PPFIA1: variants seen among roughly 807,000 people sequenced by gnomAD.
PPFIA1 encodes PPFI scaffold protein A1.
In PPFIA1, 25 loss-of-function variants were observed where a neutral mutation model predicts 149.9. The observed-to-expected ratio is 0.17, with a 90% CI of 0.12 to 0.23. The LOEUF is 0.23. Among genes scored for constraint, PPFIA1 ranks in the 10% least tolerant of loss-of-function variants. PPFIA1 has a pLI of 1.00. For missense variants in PPFIA1, 1,362 were observed against 1,506.5 expected (o/e 0.90, Z 1.59); for synonymous variants, 549 against 552.8 (o/e 0.99, Z 0.10).
intron 2 of PPFIA1, among the ~76,000 whole-genome samples, chr11:70,292,583 A>C (rs1453447639): frequency 6.6e-6 from 1 of 152,182 alleles, no homozygotes; most frequent in African/African-American, 2.4e-5. Flanking sequence ...TGTGTAAGGT[A>C]CCGTCCAGGG....
intron 2 of PPFIA1, chr11:70,284,171 A>C (rs1366493545): frequency 7.3e-6 from 3 of 411,858 alleles, no homozygotes; most frequent in Non-Finnish European, 1.4e-5. Flanking sequence ...TAGCTAAATG[A>C]CTCTTCCCTG....
chr11:70,272,661 T>A (rs1241667349), intron 2 of PPFIA1, among the ~76,000 whole-genome samples: 5 of 152,206 alleles, frequency 3.3e-5, no homozygotes. Flanking sequence ...TTATTTTCAT[T>A]CCTATCTTTG....
Position 70,331,944 on chromosome 11 carries a change from T to A in PPFIA1, c.1078-16T>A, listed in dbSNP as rs765399361. On this transcript the variant is annotated splice_polypyrimidine_tract_variant and intron_variant, in intron 8 of 27. Transcript: ENST00000253925. ...GAAGATTTGTTGCATTTTGATGCTT[T>A]GCTCTCATTTTATAGACTGAAGATA... 15 of 1,596,002 alleles carry A rather than the reference T, an allele frequency of 9.4e-6. No individual in the cohort carries two copies. The highest frequency in any genetic ancestry group is 1.3e-5 in the Non-Finnish European group (15 of 1,174,236).
intron 7 of PPFIA1, chr11:70,327,509 C>A (rs55792928): frequency 0.22 from 33,244 of 152,280 alleles, 5,527 homozygotes; most frequent in African/African-American, 0.46. Context: ...TGGTGGCTCA[C>A]GCCTGTAATC....
intron 19 of PPFIA1, among the ~76,000 whole-genome samples, chr11:70,361,580 TA>T (rs2056647162): frequency 6.6e-6 from 1 of 152,036 alleles, no homozygotes; most frequent in African/African-American, 2.4e-5. Context: ...TATATGTGTA[TA>T]ATAGTGGTTC....
chr11:70,289,092 C>T (rs755823083), intron 2 of PPFIA1, among the ~76,000 whole-genome samples: 14 of 151,896 alleles, frequency 9.2e-5, no homozygotes, highest in Non-Finnish European at 1.6e-4. Context: ...CTCACTCTCC[C>T]AAGTAGCTGG....
At chr11:70,344,144 GGTC>G (rs2055532032) in intron 15 of PPFIA1, among the ~76,000 whole-genome samples, 1 of 152,232 alleles carries the variant, frequency 6.6e-6, no homozygotes, top group African/African-American at 2.4e-5. Flanking sequence ...GGACCTGAGA[GGTC>G]CTTCCCCTGA....
intron 14 of PPFIA1, 50 bp downstream of exon 14, chr11:70,339,356 A>G: frequency 6.4e-7 from 1 of 1,571,820 alleles, no homozygotes; most frequent in Non-Finnish European, 8.7e-7. Context: ...TTACCTACTT[A>G]TCCCGTGGCT....
In PPFIA1 at chr11:70,372,380, A is replaced by G; in HGVS notation, c.3031A>G (p.Ser1011Gly). 2 of 1,614,186 alleles carry G rather than the reference A, an allele frequency of 1.2e-6. No individual in the cohort carries two copies. Among genetic ancestry groups the G allele is most frequent in the Non-Finnish European group, 1.7e-6 (2 of 1,180,022 alleles). Reference protein sequence around the residue: ...DLRGQLKMVDSFHRNSFQCGI... With the variant: ...DLRGQLKMVDGFHRNSFQCGI... The stretch of plus-strand genomic sequence containing the variant: ...TCGAGGGCAGCTGAAAATGGTCGAC[A>G]GTTTTCACAGGTAACTTAATGGAGA... The change falls in exon 22 of 28, where the codon AGT becomes GGT. Residue 1011 changes from serine to glycine, a missense_variant. Ser to Gly is a moderately conservative substitution (Grantham distance 56). Transcript: ENST00000253925.
chr11:70,272,483 G>A (rs781601613), intron 2 of PPFIA1, 47 bp downstream of exon 2: 1 of 1,523,564 alleles, frequency 6.6e-7, no homozygotes, highest in South Asian at 1.3e-5. Flanking sequence ...TCCACTAAAT[G>A]TTTTTTTATT....
In PPFIA1 at chr11:70,358,584, A is replaced by G. The variant is rs1294369837; in HGVS notation, c.2582+2330A>G. The G allele has an allele frequency of 3.3e-5, 5 of 152,210 alleles. No homozygotes were observed. In the East Asian group the frequency reaches 9.6e-4, roughly 29 times the overall value. 9.4% of individuals were successfully genotyped at this position (152,210 alleles called of 1,614,324 possible). A position where few individuals can be genotyped will look rare whatever the true frequency, so the allele number is the denominator to read the frequency against. On this transcript the variant is annotated intron_variant, in intron 19 of 27. Coordinates refer to ENST00000253925, the MANE Select transcript of PPFIA1 (RefSeq NM_003626.5). ...GTTTTCCAGAAAAAGTATTGTGTGA[A>G]TACAGTTTAATATTTATGCCATCTT...
intron 16 of PPFIA1, among the ~76,000 whole-genome samples, chr11:70,348,694 A>G (rs766423862): frequency 1.6e-4 from 24 of 152,056 alleles, no homozygotes; most frequent in Non-Finnish European, 3.4e-4. Flanking sequence ...CAGCTGGGCA[A>G]CATGGCAAAA....
intron 16 of PPFIA1, among the ~76,000 whole-genome samples, chr11:70,349,487 A>AG: frequency 6.6e-6 from 1 of 152,228 alleles, no homozygotes; most frequent in African/African-American, 2.4e-5. Context: ...AAACCAAACT[A>AG]TCTTGTATAT....
At chr11:70,281,553 C>T (rs2050760502) in intron 2 of PPFIA1, among the ~76,000 whole-genome samples, 1 of 152,348 alleles carries the variant, frequency 6.6e-6, no homozygotes, top group South Asian at 2.1e-4. Flanking sequence ...TCCCTTTTCT[C>T]TGGGATCTTG....
In PPFIA1 at chr11:70,356,442, C is replaced by T. The variant is rs1274871813; in HGVS notation, c.2582+188C>T. 2.0e-5 allele frequency among the ~76,000 whole-genome samples: 3 copies of T among 152,222 alleles called. No homozygotes were observed. The East Asian group carries it at 5.8e-4, about 29-fold the overall frequency. On this transcript the variant is annotated intron_variant, in intron 19 of 27. Transcript: ENST00000253925. ...GTTTGTGAAATTTCGAAGAAACTCACACTGGTATCCCTATCATCTTGGAAA... is the reference window on the plus strand; with the variant it reads ...GTTTGTGAAATTTCGAAGAAACTCATACTGGTATCCCTATCATCTTGGAAA...
At chr11:70,348,522 T>A (rs1004938918) in intron 16 of PPFIA1, 102 bp downstream of exon 16, 3 of 921,600 alleles carry the variant, frequency 3.3e-6, no homozygotes, top group Middle Eastern at 2.6e-4. Flanking sequence ...ACATTCGTTA[T>A]TCTAAGAGGT....
chr11:70,288,289 CTTGA>C, intron 2 of PPFIA1, among the ~76,000 whole-genome samples: 1 of 152,004 alleles, frequency 6.6e-6, no homozygotes, highest in Admixed American at 6.6e-5. Context: ...CCAGTCTGGT[CTTGA>C]ACTCCTGGTG....
intron 2 of PPFIA1, among the ~76,000 whole-genome samples, chr11:70,301,333 G>T (rs1385628991): frequency 6.6e-6 from 1 of 152,180 alleles, no homozygotes; most frequent in Non-Finnish European, 1.5e-5. Flanking sequence ...AGAGAACTCA[G>T]CTTCCCTGCG....
At chr11:70,346,726 C>T (rs2055726090) in intron 15 of PPFIA1, among the ~76,000 whole-genome samples, 1 of 152,100 alleles carries the variant, frequency 6.6e-6, no homozygotes, top group Admixed American at 6.5e-5. Context: ...AAAAGTGTTT[C>T]CTCTTTATGC....
Sources: allele counts gnomAD v4.1 joint callset (sites outside exome capture counted in the v4.1 genomes callset), GRCh38; gene constraint gnomAD v4.1.1; transcripts MANE v1.5; gene names NCBI Gene and HGNC (gene_info 2026-07-23, HGNC 2026-07-21).